PCDHGA4: variants seen among roughly 807,000 people sequenced by gnomAD.
PCDHGA4 encodes protocadherin gamma-A4.
PCDHGA4 carries 38 observed loss-of-function variants against 54.6 expected under a neutral mutation model. That is an observed-to-expected ratio of 0.70 (90% CI 0.54 to 0.91). PCDHGA4 has a LOEUF of 0.91. Among genes scored for constraint, PCDHGA4 ranks in the 40% least tolerant of loss-of-function variants. The probability of loss-of-function intolerance (pLI) is 0.00; values close to 1 mark genes in which losing one functional copy is unlikely to be tolerated. For missense variants in PCDHGA4, 1,298 were observed against 1,220.9 expected, an observed-to-expected ratio of 1.06 and a Z score of -0.94; for synonymous variants, 511 against 512.9, an observed-to-expected ratio of 1.00 and a Z score of 0.05.
chr5:141,464,572 A>G (rs912710973), intron 1 of PCDHGA4, among the ~76,000 whole-genome samples: 5 of 152,148 alleles, frequency 3.3e-5, no homozygotes, highest in African/African-American at 1.2e-4. Flanking sequence ...CTACAAATAG[A>G]TGAGAATGTC....
Position 141,364,692 on chromosome 5 carries a change from T to G in PCDHGA4, c.2514+7071T>G, listed in dbSNP as rs1763485100. On this transcript the variant is annotated intron_variant, in intron 1 of 3. Transcript: ENST00000571252. ...AAAATGAAAATTTATGGAGTAGAAGTAGAAATAATCGATATTAATGATAAC... is the reference window on the plus strand; with the variant it reads ...AAAATGAAAATTTATGGAGTAGAAGGAGAAATAATCGATATTAATGATAAC... The G allele has an allele frequency of 2.5e-6, 4 of 1,613,922 alleles. No individual in the cohort carries two copies. In the East Asian group the frequency reaches 8.9e-5, roughly 36 times the overall value.
chr5:141,399,081 G>A (rs1336220348), intron 1 of PCDHGA4: 2 of 1,613,758 alleles, frequency 1.2e-6, no homozygotes, highest in African/African-American at 1.3e-5. Context: ...TAGAAGGGAG[G>A]GATGGTGGTG....
intron 1 of PCDHGA4, chr5:141,412,841 G>A (rs1285924844): frequency 4.9e-6 from 1 of 206,050 alleles, no homozygotes; most frequent in Non-Finnish European, 9.6e-6. Flanking sequence ...AAAGATAGGA[G>A]TGGAGAAACC....
At chr5:141,371,785 A>G (rs1332853019) in intron 1 of PCDHGA4, 1 of 1,613,964 alleles carries the variant, frequency 6.2e-7, no homozygotes, top group Admixed American at 1.7e-5. Flanking sequence ...GTAGCTGAGA[A>G]CAATCCGCCT....
chr5:141,394,006 TAGGTA>T, intron 1 of PCDHGA4: 3 of 1,613,358 alleles, frequency 1.9e-6, no homozygotes, highest in Admixed American at 3.3e-5. Flanking sequence ...GAAAAGTCAA[TAGGTA>T]ATTATTATAG....
intron 1 of PCDHGA4, chr5:141,413,690 A>G (rs553462819): frequency 6.2e-7 from 1 of 1,613,702 alleles, no homozygotes; most frequent in Non-Finnish European, 8.5e-7. Flanking sequence ...AACTCCCTGC[A>G]GAGCTATCAG....
intron 1 of PCDHGA4, chr5:141,395,547 TGTGTGTGTGTGTGTGTGTGTG>T (rs2093271294): frequency 4.6e-5 from 8 of 174,262 alleles, no homozygotes; most frequent in Non-Finnish European, 8.3e-5. Context: ...ATTGTTTGTG[TGTGTGTGTGTGTGTGTGTGTG>T]TGTGTGTGTG....
At chr5:141,450,453 C>T (rs1202828231) in intron 1 of PCDHGA4, among the ~76,000 whole-genome samples, 3 of 152,058 alleles carry the variant, frequency 2.0e-5, no homozygotes, top group East Asian at 1.9e-4. Flanking sequence ...TATGTTTCCT[C>T]GTGATTTTAT....
intron 1 of PCDHGA4, chr5:141,419,023 A>C: frequency 6.2e-7 from 1 of 1,613,958 alleles, no homozygotes; most frequent in East Asian, 2.2e-5. Context: ...GCTTAAGTAG[A>C]GGTGTTCCAT....
chr5:141,381,826 C>CTTCTTTTTTTTTTTTT (rs1777532522), intron 1 of PCDHGA4, among the ~76,000 whole-genome samples: 2 of 74,284 alleles, frequency 2.7e-5, no homozygotes, highest in African/African-American at 6.2e-5. Context: ...CTTTCTTCTT[C>CTTCTTTTTTTTTTTTT]TTTTTTTTTT....
intron 1 of PCDHGA4, chr5:141,413,487 G>A (rs1190400492): frequency 1.9e-6 from 3 of 1,613,928 alleles, no homozygotes; most frequent in African/African-American, 2.7e-5. Context: ...CTCAGAGCGC[G>A]CGGTGCGTGG....
rs902736924 is a variant in PCDHGA4 at position 141,355,063 on chromosome 5, C to A, written c.-45C>A. 12 of 1,314,416 alleles carry A rather than the reference C, an allele frequency of 9.1e-6. No homozygotes were observed. The highest frequency in any genetic ancestry group is 2.9e-5 in the Admixed American group (1 of 35,046). The allele number at this position is 1,314,416 out of a possible 1,614,324, so 81.4% of individuals were successfully genotyped here. ...GCAGCACAAAGCACTGGCTCTGGAG[C>A]TTTATGAAAGCTTCAAGCGGAAGCC... On this transcript the variant is annotated 5_prime_UTR_variant, in exon 1 of 4. Coordinates refer to ENST00000571252, the MANE Select transcript of PCDHGA4 (RefSeq NM_018917.4).
chr5:141,356,910 T>A lies in PCDHGA4; in HGVS notation c.1803T>A (p.Asp601Glu), dbSNP rs187434280. The change falls in exon 1 of 4, where the codon GAT becomes GAA. Residue 601 changes from aspartate (D) to glutamate (E), a missense_variant. By Grantham distance (45) the Asp-to-Glu change is conservative. Coordinates refer to ENST00000571252, the MANE Select transcript of PCDHGA4 (RefSeq NM_018917.4). ...PEILYPTFPT[D>E]GSTGVELAPR... ...TCCTGTACCCCACCTTCCCTACTGA[T>A]GGCTCCACTGGTGTGGAGCTGGCAC... The A allele has an allele frequency of 3.6e-5, 58 of 1,614,140 alleles. No homozygotes were observed. The African/African-American group carries it at 7.2e-4, about 20-fold the overall frequency.
chr5:141,423,561 C>G (rs959698297), intron 1 of PCDHGA4: 7 of 1,613,628 alleles, frequency 4.3e-6, no homozygotes, highest in Non-Finnish European at 5.9e-6. Flanking sequence ...ACTATGGGGA[C>G]ACGCTCATCA....
Position 141,355,150 on chromosome 5 carries a change from G to C in PCDHGA4, c.43G>C (p.Ala15Pro), listed in dbSNP as rs754814778. The change falls in exon 1 of 4, where the codon GCC (alanine) becomes CCC (proline). Residue 15 changes from alanine to proline, a missense_variant. Coordinates refer to ENST00000571252, the MANE Select transcript of PCDHGA4 (RefSeq NM_018917.4). ...CCCAGAAGATCCTGGGGCTCCTCAGGCCTCGACAGAGGGAAAACCGAAGCA... is the reference window on the plus strand; with the variant it reads ...CCCAGAAGATCCTGGGGCTCCTCAGCCCTCGACAGAGGGAAAACCGAAGCA... ...LDPEDPGAPQ[A>P]STEGKPKHRR... The C allele has an allele frequency of 1.9e-6, 3 of 1,547,684 alleles. No individual in the cohort carries two copies. The highest frequency in any genetic ancestry group is 2.7e-5 in the African/African-American group (2 of 72,800).
chr5:141,371,018 C>G, intron 1 of PCDHGA4: 1 of 1,613,994 alleles, frequency 6.2e-7, no homozygotes, highest in Non-Finnish European at 8.5e-7. Flanking sequence ...AGCCACATCA[C>G]CACCTGGTCC....
intron 1 of PCDHGA4, chr5:141,384,389 AG>A: frequency 1.2e-6 from 2 of 1,613,942 alleles, no homozygotes; most frequent in South Asian, 1.1e-5. Context: ...GACACCATCC[AG>A]GGGGCTCCAG....
intron 1 of PCDHGA4, chr5:141,415,230 A>G (rs1222982593): frequency 6.2e-7 from 1 of 1,614,050 alleles, no homozygotes; most frequent in Non-Finnish European, 8.5e-7. Context: ...TCGAGTCTCC[A>G]GCTAACTCTG....
intron 1 of PCDHGA4, among the ~76,000 whole-genome samples, chr5:141,405,709 C>T (rs2094708572): frequency 2.0e-5 from 3 of 152,150 alleles, no homozygotes; most frequent in African/African-American, 7.2e-5. Context: ...AATTCCTAAC[C>T]TCAAGTGATC....
Sources: allele counts gnomAD v4.1 joint callset (sites outside exome capture counted in the v4.1 genomes callset), GRCh38; gene constraint gnomAD v4.1.1; transcripts MANE v1.5; gene names NCBI Gene and HGNC (gene_info 2026-07-23, HGNC 2026-07-21).